The following DMD variants were observed in gnomAD, a reference collection of about 807,000 sequenced individuals.
DMD encodes the protein mutant dystrophin.
In DMD, 63 loss-of-function variants were observed where a neutral mutation model predicts 330.1. The ratio of observed to expected loss-of-function variants is 0.19; its 90% CI spans 0.16 to 0.24. The LOEUF (loss-of-function observed/expected upper bound fraction) is 0.24, where lower values mean the gene tolerates loss of function less well. DMD is among the 10% of genes least tolerant of loss of function. The pLI is 1.00. For missense variants in DMD, 3,344 were observed against 2,684.1 expected (o/e 1.25, Z -5.43); for synonymous variants, 1,223 against 959.8 (o/e 1.27, Z -5.07).
At chrX:32,806,184 G>A (rs886431479) in intron 7 of DMD, among the ~76,000 whole-genome samples, 1 of 111,883 alleles carries the variant, frequency 8.9e-6, no homozygotes, top group Non-Finnish European at 1.9e-5. Flanking sequence ...GTAGTCAGGA[G>A]AGCAATCTCA....
chrX:32,614,985 ATTCC>A (rs2057449571), intron 11 of DMD, among the ~76,000 whole-genome samples: 1 of 110,922 alleles, frequency 9.0e-6, no homozygotes, highest in African/African-American at 3.3e-5. Flanking sequence ...TGAAGCCTAG[ATTCC>A]ATGCTGTAAA....
chrX:32,858,288 C>A (rs747459031), intron 2 of DMD, among the ~76,000 whole-genome samples: 2 of 111,788 alleles, frequency 1.8e-5, no homozygotes, highest in East Asian at 5.6e-4. Context: ...AGAGATTTTG[C>A]CTTCTTCTTT....
chrX:32,325,639 C>T (rs188284612), intron 41 of DMD, among the ~76,000 whole-genome samples: 2 of 111,397 alleles, frequency 1.8e-5, no homozygotes, highest in East Asian at 5.7e-4. Context: ...ACAGAAGAGT[C>T]GTGGCAAAGA....
chrX:32,472,933 G>A (rs150881517), intron 21 of DMD, among the ~76,000 whole-genome samples: 2,134 of 110,302 alleles, frequency 0.019, 42 homozygotes, highest in East Asian at 0.11. Context: ...GAGAAAACAG[G>A]CTATTAAAGA....
chrX:32,502,084 T>A (rs928681721), intron 18 of DMD, among the ~76,000 whole-genome samples: 4 of 111,858 alleles, frequency 3.6e-5, no homozygotes, highest in Non-Finnish European at 7.5e-5. Flanking sequence ...AGCTTTTTTT[T>A]ACATTATAGT....
chrX:32,287,094 G>T lies in DMD; in HGVS notation c.6290+435C>A, dbSNP rs1381807441. 8.1e-5 allele frequency among the ~76,000 whole-genome samples: 9 copies of T among 111,107 alleles called. No homozygotes were observed. The Admixed American group carries it at 8.6e-4, about 11-fold the overall frequency. On this transcript the variant is annotated intron_variant, in intron 43 of 78. Transcript: ENST00000357033. ...AATGTGGGGGAGGGTAATGCAAAGT[G>T]TAAAGTGTCACCCTCCAAAATATAA...
chrX:31,170,701 C>T (rs1161251716), intron 73 of DMD, among the ~76,000 whole-genome samples: 1 of 111,838 alleles, frequency 8.9e-6, no homozygotes, highest in Admixed American at 9.5e-5. Flanking sequence ...ATTAAAAACA[C>T]ACATTTAAGT....
At chrX:33,164,501 C>A (rs1230931328) in intron 1 of DMD, among the ~76,000 whole-genome samples, 1 of 111,814 alleles carries the variant, frequency 8.9e-6, no homozygotes, top group Non-Finnish European at 1.9e-5. Context: ...AGTCCGTAAA[C>A]TTCCGGGCTT....
Position 32,389,566 on chromosome X carries a change from A to C in DMD, c.4453T>G (p.Leu1485Val). The change falls in exon 32 of 79, where the codon TTG becomes GTG. Residue 1485 changes from leucine (L) to valine (V), a missense_variant. Physicochemically the swap from Leu to Val is conservative, Grantham distance 32. Transcript: ENST00000357033. ...KMILDEVKMH[L>V]PALETKSVEQ... ...ACACTCTTTGTTTCCAATGCAGGCA[A>C]GTGCATCTTCACTTCATCTAAAATC... 1 of 1,210,712 alleles carries C rather than the reference A, an allele frequency of 8.3e-7. No individual in the cohort carries two copies. The highest frequency in any genetic ancestry group is 1.1e-6 in the Non-Finnish European group (1 of 894,652).
Position 31,121,909 on chromosome X carries a change from A to G in DMD, c.*10T>C. ...TCTGCCCAAATCATCTGCCATGTGG[A>G]AAAGACTTCCTACATTGTGTCCTGG... On this transcript the variant is annotated 3_prime_UTR_variant, in exon 79 of 79. Coordinates refer to ENST00000357033, the MANE Select transcript of DMD (RefSeq NM_004006.3). 1 of 1,205,129 alleles carries G rather than the reference A, an allele frequency of 8.3e-7. No homozygotes were observed. The highest frequency in any genetic ancestry group is 3.0e-5 in the East Asian group (1 of 33,818).
At chrX:31,753,889 GT>G (rs767465307) in intron 51 of DMD, among the ~76,000 whole-genome samples, 144 of 111,616 alleles carry the variant, frequency 1.3e-3, no homozygotes, top group African/African-American at 4.6e-3. Context: ...GATTTGAAGT[GT>G]TAAGTAGCAT....
At chrX:32,353,806 C>G (rs762130446) in intron 37 of DMD, among the ~76,000 whole-genome samples, 8 of 110,831 alleles carry the variant, frequency 7.2e-5, no homozygotes, top group Non-Finnish European at 1.1e-4. Context: ...AAAGAAGAGA[C>G]AGAGAAACCG....
At chrX:31,463,313 C>A (rs988154844) in intron 59 of DMD, among the ~76,000 whole-genome samples, 6 of 111,638 alleles carry the variant, frequency 5.4e-5, no homozygotes, top group African/African-American at 1.6e-4. Flanking sequence ...TGAAAAAGTT[C>A]TTTCTTAGGC....
intron 30 of DMD, among the ~76,000 whole-genome samples, chrX:32,396,181 G>A (rs2098042877): frequency 9.0e-6 from 1 of 111,161 alleles, no homozygotes; most frequent in South Asian, 3.8e-4. Context: ...AGTAACCTGT[G>A]AGAGGAATGT....
At chrX:32,290,345 T>C (rs1167258273) in intron 42 of DMD, among the ~76,000 whole-genome samples, 18 of 112,090 alleles carry the variant, frequency 1.6e-4, no homozygotes, top group Non-Finnish European at 3.2e-4. Flanking sequence ...AAGTAGCCGG[T>C]ATATACCACT....
chrX:31,481,484 G>A (rs1441123734), intron 57 of DMD, among the ~76,000 whole-genome samples: 2 of 111,946 alleles, frequency 1.8e-5, no homozygotes, highest in Admixed American at 1.9e-4. Context: ...TCTGAAGTGT[G>A]AAAATTTGGT....
intron 15 of DMD, among the ~76,000 whole-genome samples, chrX:32,568,762 C>A (rs1008293113): frequency 9.1e-6 from 1 of 110,462 alleles, no homozygotes; most frequent in African/African-American, 3.3e-5. Context: ...AGAACTCCCC[C>A]AGGATTATTA....
rs757938768 is a variant in DMD at position 32,772,846 on chromosome X, G to A, written c.649+36647C>T. Among the ~76,000 whole-genome samples, 7 of 104,643 alleles carry A rather than the reference G, an allele frequency of 6.7e-5. No individual in the cohort carries two copies. The East Asian group carries it at 2.0e-3, about 30-fold the overall frequency. The allele number at this position is 104,643 out of a possible 115,157, so 90.9% of individuals were successfully genotyped here. On this transcript the variant is annotated intron_variant, in intron 7 of 78. Transcript: ENST00000357033. Reference sequence around the variant, plus strand: ...TACCCGTGATGGCTAACATAAAATCGTTTGGGGAAAATAAACATATCAAAT... The same window carrying A: ...TACCCGTGATGGCTAACATAAAATCATTTGGGGAAAATAAACATATCAAAT...
intron 55 of DMD, among the ~76,000 whole-genome samples, chrX:31,530,242 T>C (rs1478082875): frequency 8.9e-6 from 1 of 112,369 alleles, no homozygotes; most frequent in Non-Finnish European, 1.9e-5. Context: ...AGCAAAATCC[T>C]GGATTTTCAA....
Sources: gnomAD v4.1 joint callset for allele counts (sites outside exome capture counted in the v4.1 genomes callset) on GRCh38, gnomAD v4.1.1 for gene constraint, MANE v1.5 for transcripts, NCBI Gene and HGNC (gene_info 2026-07-23, HGNC 2026-07-21) for gene names.